HSBP1: variants seen among roughly 807,000 people sequenced by gnomAD.
HSBP1 encodes heat shock factor binding protein 1.
Under a neutral mutation model 9.6 loss-of-function variants are expected in HSBP1, and 5 were observed. The observed-to-expected ratio is 0.52, with a 90% CI of 0.27 to 1.09. HSBP1 has a LOEUF of 1.09. Among genes scored for constraint, HSBP1 ranks in the 50% least tolerant of loss-of-function variants. The probability of loss-of-function intolerance (pLI) is 0.11; values close to 1 mark genes in which losing one functional copy is unlikely to be tolerated. For synonymous variants in HSBP1, 42 were observed against 33.3 expected, an observed-to-expected ratio of 1.26 and a Z score of -0.90; for missense variants, 121 against 96.3, an observed-to-expected ratio of 1.26 and a Z score of -1.07.
chr16:83,817,164 A>G lies in HSBP1; in HGVS notation c.*5746A>G, dbSNP rs1904738497. 1.3e-5 allele frequency: 2 copies of G among 152,202 alleles called. No individual in the cohort carries two copies. Among genetic ancestry groups the G allele is most frequent in the South Asian group, 2.1e-4 (1 of 4,828 alleles). The allele number at this position is 152,202 out of a possible 1,614,324, so 9.4% of individuals were successfully genotyped here. A position where few individuals can be genotyped will look rare whatever the true frequency, so the allele number is the denominator to read the frequency against. ...CAGTCGAGGTCGAGAACTGCATTCA[A>G]GAAGGCCTGTCTACTGCGAACCGTC... On this transcript the variant is annotated 3_prime_UTR_variant, in exon 4 of 4. Transcript: ENST00000433866.
rs1188961374 is a variant in HSBP1 at position 83,815,262 on chromosome 16, G to A, written c.*3844G>A. 6.6e-6 allele frequency: 1 copy of A among 152,054 alleles called. No individual in the cohort carries two copies. The highest frequency in any genetic ancestry group is 6.6e-5 in the Admixed American group (1 of 15,252). 9.4% of individuals were successfully genotyped at this position (152,054 alleles called of 1,614,324 possible). ...AAATTAATATGGAAATAGGAAAAGG[G>A]TTTGTTTCAACAAGTCAGGATGACA... is the stretch of plus-strand genomic sequence containing the variant. On this transcript the variant is annotated 3_prime_UTR_variant, in exon 4 of 4. Coordinates refer to ENST00000433866, the MANE Select transcript of HSBP1 (RefSeq NM_001537.4).
chr16:83,812,215 G>A lies in HSBP1; in HGVS notation c.*797G>A, dbSNP rs1459911528. The A allele has an allele frequency of 6.6e-6, 1 of 152,620 alleles. No individual in the cohort carries two copies. The highest frequency in any genetic ancestry group is 2.4e-5 in the African/African-American group (1 of 41,448). 9.5% of individuals were successfully genotyped at this position (152,620 alleles called of 1,614,324 possible). ...CTGGCAGGATTTTAAAACTCAATCAGTCTTTCCTTTGAGCTAGTGACTTGA... is the reference window on the plus strand; with the variant it reads ...CTGGCAGGATTTTAAAACTCAATCAATCTTTCCTTTGAGCTAGTGACTTGA... On this transcript the variant is annotated 3_prime_UTR_variant, in exon 4 of 4. Coordinates refer to ENST00000433866, the MANE Select transcript of HSBP1 (RefSeq NM_001537.4).
At chr16:83,809,254 A>G in intron 2 of HSBP1, 51 bp from the exon 3 acceptor site, 1 of 1,151,776 alleles carries the variant, frequency 8.7e-7, no homozygotes, top group Non-Finnish European at 1.3e-6. Context: ...CAGGGACGGG[A>G]GGAAAAAGGC....
At position 83,809,441 on chromosome 16, in the gene HSBP1, A is replaced by G. The variant is rs1452124620; in HGVS notation, c.*2+16A>G. 1 of 1,058,690 alleles carries G rather than the reference A, an allele frequency of 9.4e-7. No homozygotes were observed. Among genetic ancestry groups the G allele is most frequent in the Non-Finnish European group, 1.3e-6 (1 of 755,536 alleles). The allele number at this position is 1,058,690 out of a possible 1,614,324, so 65.6% of individuals were successfully genotyped here. A position where few individuals can be genotyped will look rare whatever the true frequency, so the allele number is the denominator to read the frequency against. On this transcript the variant is annotated intron_variant, in intron 3 of 3. Coordinates refer to ENST00000433866, the MANE Select transcript of HSBP1 (RefSeq NM_001537.4). ...AGAGTTGAAGGTGAGGAAGGGGGCA[A>G]TTTTTTTTTTCTTTTCTTTTCTTTT...
chr16:83,808,791 C>T (rs772966303), intron 2 of HSBP1, 45 bp downstream of exon 2: 6 of 1,452,682 alleles, frequency 4.1e-6, no homozygotes, highest in South Asian at 1.2e-5. Flanking sequence ...CCTTTGGAGC[C>T]TATTTGCCGG....
In HSBP1 at chr16:83,810,100, C is replaced by CT. The variant is rs75686717; in HGVS notation, c.*2+689dup. ...CCTGTCACTGGAAGATTTTCCATTG[C>CT]TTTTTTTTTTTTTTATGGAAATAAC... On this transcript the variant is annotated intron_variant, in intron 3 of 3. Transcript: ENST00000433866. 4.1e-3 allele frequency among the ~76,000 whole-genome samples: 579 copies of CT among 140,602 alleles called. 2 individuals are homozygous for CT. The highest frequency in any genetic ancestry group is 4.5e-3 in the Non-Finnish European group (287 of 64,186). The allele number at this position is 140,602 out of a possible 152,430, so 92.2% of individuals were successfully genotyped here.
In HSBP1 at chr16:83,809,398, A is replaced by G; in HGVS notation, c.206A>G (p.Lys69Arg). The change falls in exon 3 of 4, where the codon AAG becomes AGG. Residue 69 changes from lysine to arginine, a missense_variant. Coordinates refer to ENST00000433866, the MANE Select transcript of HSBP1 (RefSeq NM_001537.4). ...GTGGAAGAACTGGAAAGTGAAAACA[A>G]GATACCTGCCACGCAAAAGAGTTGA... ...AGVEELESEN[K>R]IPATQKS 6.3e-7 allele frequency: 1 copy of G among 1,599,684 alleles called. No individual in the cohort carries two copies. Among genetic ancestry groups the G allele is most frequent in the Non-Finnish European group, 8.5e-7 (1 of 1,172,188 alleles).
chr16:83,808,148 G>A (rs1340480602), intron 1 of HSBP1, 27 bp downstream of exon 1: 50 of 1,538,968 alleles, frequency 3.2e-5, no homozygotes, highest in Non-Finnish European at 4.3e-5. Flanking sequence ...AGGGCCGGAG[G>A]CCGCGGCCTT....
In HSBP1 at chr16:83,818,090, A is replaced by C. The variant is rs969834519; in HGVS notation, c.*6672A>C. On this transcript the variant is annotated 3_prime_UTR_variant, in exon 4 of 4. Transcript: ENST00000433866. ...TACGCAGTCTTGCTTGTAGAATTTT[A>C]GAGGTTCATGGTTACCGTGGGTCGG... is the stretch of plus-strand genomic sequence containing the variant. 7.2e-5 allele frequency: 11 copies of C among 152,168 alleles called. No homozygotes were observed. The highest frequency in any genetic ancestry group is 2.7e-4 in the African/African-American group (11 of 41,444). The allele number at this position is 152,168 out of a possible 1,614,324, so 9.4% of individuals were successfully genotyped here. A position where few individuals can be genotyped will look rare whatever the true frequency, so the allele number is the denominator to read the frequency against.
At position 83,817,685 on chromosome 16, in the gene HSBP1, G is replaced by A. The variant is rs1389159639; in HGVS notation, c.*6267G>A. The A allele has an allele frequency of 6.6e-6, 1 of 152,154 alleles. No homozygotes were observed. Among genetic ancestry groups the A allele is most frequent in the South Asian group, 2.1e-4 (1 of 4,830 alleles). 9.4% of individuals were successfully genotyped at this position (152,154 alleles called of 1,614,324 possible). ...ACTTTACATATTAAATATCTTAAAG[G>A]TCTTTTATGCAGAATATGCAGTTAA... On this transcript the variant is annotated 3_prime_UTR_variant, in exon 4 of 4. Transcript: ENST00000433866.
rs1404672965 is a variant in HSBP1 at position 83,808,837 on chromosome 16, G to C, written c.112+91G>C. On this transcript the variant is annotated intron_variant, in intron 2 of 3. Coordinates refer to ENST00000433866, the MANE Select transcript of HSBP1 (RefSeq NM_001537.4). ...GGATAAATGAGTAGTTTTCAGGCTAGCTTCAGCCATTCACTTGTAGAATTT... is the reference window on the plus strand; with the variant it reads ...GGATAAATGAGTAGTTTTCAGGCTACCTTCAGCCATTCACTTGTAGAATTT... 6.4e-5 allele frequency: 57 copies of C among 895,794 alleles called. No homozygotes were observed. In the East Asian group the frequency reaches 1.5e-3, roughly 24 times the overall value. The allele number at this position is 895,794 out of a possible 1,614,324, so 55.5% of individuals were successfully genotyped here. A position where few individuals can be genotyped will look rare whatever the true frequency, so the allele number is the denominator to read the frequency against.
In HSBP1 at chr16:83,812,811, T is replaced by A. The variant is rs570439021; in HGVS notation, c.*1393T>A. ...AGCATTGACCAGACCATCCGAAACC[T>A]GCGTCCCTGGTGATGTTCTCAAGCC... On this transcript the variant is annotated 3_prime_UTR_variant, in exon 4 of 4. Transcript: ENST00000433866. 3 of 152,416 alleles carry A rather than the reference T, an allele frequency of 2.0e-5. No homozygotes were observed. In the East Asian group the frequency reaches 5.8e-4, roughly 29 times the overall value. The allele number at this position is 152,416 out of a possible 1,614,324, so 9.4% of individuals were successfully genotyped here. A position where few individuals can be genotyped will look rare whatever the true frequency, so the allele number is the denominator to read the frequency against.
rs1165524841 is a variant in HSBP1, at chr16:83,815,333, A to C, written c.*3915A>C. ...AGGCCAGCCTGGGCAATATACTGAG[A>C]CTCCATCTCTACAAAAAAGTAGAAA... On this transcript the variant is annotated 3_prime_UTR_variant, in exon 4 of 4. Transcript: ENST00000433866. The C allele has an allele frequency of 6.6e-6, 1 of 151,836 alleles. No homozygotes were observed. Among genetic ancestry groups the C allele is most frequent in the African/African-American group, 2.4e-5 (1 of 41,294 alleles). 9.4% of individuals were successfully genotyped at this position (151,836 alleles called of 1,614,324 possible).
rs1567610082 is a variant in HSBP1, at chr16:83,818,721, G to C, written c.*7303G>C. The C allele has an allele frequency of 6.6e-6, 1 of 152,150 alleles. No individual in the cohort carries two copies. The highest frequency in any genetic ancestry group is 1.5e-5 in the Non-Finnish European group (1 of 68,040). 9.4% of individuals were successfully genotyped at this position (152,150 alleles called of 1,614,324 possible). ...CTGTATCTGGTCTTGGTTCTGAAAG[G>C]TTTGCAGCGGCACCTAAGTCACTGA... is the stretch of plus-strand genomic sequence containing the variant. On this transcript the variant is annotated 3_prime_UTR_variant, in exon 4 of 4. Coordinates refer to ENST00000433866, the MANE Select transcript of HSBP1 (RefSeq NM_001537.4).
Position 83,809,382 on chromosome 16 carries a change from C to T in HSBP1, c.190C>T (p.Leu64=). 2 of 1,603,000 alleles carry T rather than the reference C, an allele frequency of 1.2e-6. No homozygotes were observed. Among genetic ancestry groups the T allele is most frequent in the Non-Finnish European group, 1.7e-6 (2 of 1,175,236 alleles). ...DLMTQAGVEE[L]ESENKIPATQ... ...CATGACACAGGCTGGGGTGGAAGAA[C>T]TGGAAAGTGAAAACAAGATACCTGC... The change falls in exon 3 of 4, where the codon CTG becomes TTG. Residue 64 remains leucine, a synonymous_variant. Transcript: ENST00000433866.
At chr16:83,811,278 C>G (rs1904595136) in intron 3 of HSBP1, 143 bp from the exon 4 acceptor site, 1 of 152,188 alleles carries the variant, frequency 6.6e-6, no homozygotes, top group Non-Finnish European at 1.5e-5. Flanking sequence ...CCAGTTAAAT[C>G]TATTGCTAAA....
intron 3 of HSBP1, 47 bp downstream of exon 3, chr16:83,809,472 T>A (rs1375981152): frequency 2.0e-6 from 2 of 991,432 alleles, no homozygotes; most frequent in Admixed American, 5.6e-5. Context: ...CTTTTTTTTT[T>A]TTTTTTTTTT....
At position 83,812,850 on chromosome 16, in the gene HSBP1, A is replaced by C. The variant is rs1904631710; in HGVS notation, c.*1432A>C. The stretch of plus-strand genomic sequence containing the variant: ...TGTTCTCAAGCCTCGGAAGTGGCAA[A>C]TGGAAATGATATGGCCGGTTGCGGT... On this transcript the variant is annotated 3_prime_UTR_variant, in exon 4 of 4. Coordinates refer to ENST00000433866, the MANE Select transcript of HSBP1 (RefSeq NM_001537.4). 1 of 152,262 alleles carries C rather than the reference A, an allele frequency of 6.6e-6. No homozygotes were observed. The highest frequency in any genetic ancestry group is 2.4e-5 in the African/African-American group (1 of 41,446). 9.4% of individuals were successfully genotyped at this position (152,262 alleles called of 1,614,324 possible).
At position 83,808,006 on chromosome 16, in the gene HSBP1, G is replaced by C; in HGVS notation, c.-71G>C. 7.3e-7 allele frequency: 1 copy of C among 1,371,242 alleles called. No homozygotes were observed. The highest frequency in any genetic ancestry group is 9.9e-7 in the Non-Finnish European group (1 of 1,013,072). 84.9% of individuals were successfully genotyped at this position (1,371,242 alleles called of 1,614,324 possible). On this transcript the variant is annotated 5_prime_UTR_variant, in exon 1 of 4. Transcript: ENST00000433866. The stretch of plus-strand genomic sequence containing the variant: ...CTCGTCGCGAGAAGCAGCGGCCCGG[G>C]GCGACTGAGCGGACAAACGGAAGTG...
Sources: gnomAD v4.1 joint callset for allele counts (sites outside exome capture counted in the v4.1 genomes callset) on GRCh38, gnomAD v4.1.1 for gene constraint, MANE v1.5 for transcripts, NCBI Gene and HGNC (gene_info 2026-07-23, HGNC 2026-07-21) for gene names.